DCDC1: variants seen among roughly 807,000 people sequenced by gnomAD.
DCDC1 encodes doublecortin domain-containing protein 1.
Under a neutral mutation model 178.3 loss-of-function variants are expected in DCDC1, and 200 were observed. The observed-to-expected ratio is 1.12, with a 90% CI of 1.00 to 1.26. The LOEUF (loss-of-function observed/expected upper bound fraction) is 1.26. DCDC1 is among the 50% of genes most tolerant of loss of function. The pLI is 0.00. For missense variants in DCDC1, 1,983 were observed against 1,749.2 expected (o/e 1.13, Z -2.38); for synonymous variants, 690 against 604.8 (o/e 1.14, Z -2.07).
intron 20 of DCDC1, among the ~76,000 whole-genome samples, chr11:30,981,253 G>C (rs1378678843): frequency 2.0e-5 from 3 of 152,088 alleles, no homozygotes; most frequent in Non-Finnish European, 4.4e-5. Flanking sequence ...TTCACCATTT[G>C]AGTGATGGGC....
chr11:31,307,078 A>C (rs892419097), intron 4 of DCDC1, among the ~76,000 whole-genome samples: 5 of 152,222 alleles, frequency 3.3e-5, no homozygotes, highest in African/African-American at 1.2e-4. Flanking sequence ...CCACAGAAGA[A>C]GAGTAAATAT....
chr11:31,231,191 G>A (rs999460553), intron 9 of DCDC1, among the ~76,000 whole-genome samples: 5 of 151,936 alleles, frequency 3.3e-5, no homozygotes, highest in Admixed American at 2.6e-4. Context: ...CCGAAATCCT[G>A]GGCTTAAGCA....
At chr11:31,316,013 C>G (rs1490629468) in intron 3 of DCDC1, among the ~76,000 whole-genome samples, 3 of 90,442 alleles carry the variant, frequency 3.3e-5, no homozygotes. Flanking sequence ...GCATAGTATT[C>G]CACGGTGTAT....
intron 9 of DCDC1, among the ~76,000 whole-genome samples, chr11:31,232,719 G>A (rs551719339): frequency 6.6e-6 from 1 of 152,080 alleles, no homozygotes; most frequent in Non-Finnish European, 1.5e-5. Flanking sequence ...TGCCATTGGT[G>A]TTAATTACTT....
intron 2 of DCDC1, among the ~76,000 whole-genome samples, chr11:31,329,154 C>T (rs1949818450): frequency 6.6e-6 from 1 of 151,886 alleles, no homozygotes; most frequent in South Asian, 2.1e-4. Context: ...AGAAAGCAAG[C>T]AGGGCTCTAT....
At chr11:31,365,339 G>A (rs981302535) in intron 1 of DCDC1, among the ~76,000 whole-genome samples, 7 of 151,986 alleles carry the variant, frequency 4.6e-5, no homozygotes, top group African/African-American at 9.7e-5. Context: ...TTCAATTTTG[G>A]AACATAACCA....
intron 8 of DCDC1, among the ~76,000 whole-genome samples, chr11:31,244,062 C>T (rs1268025639): frequency 3.3e-5 from 5 of 151,572 alleles, no homozygotes; most frequent in Non-Finnish European, 1.5e-5. Context: ...TAGGAAGGTA[C>T]AGAAAACATA....
At chr11:31,272,257 A>G (rs536572821) in intron 7 of DCDC1, among the ~76,000 whole-genome samples, 1 of 152,114 alleles carries the variant, frequency 6.6e-6, no homozygotes, top group East Asian at 1.9e-4. Context: ...ATTACCTCCC[A>G]TCAGGTCCCT....
At chr11:31,005,513 T>C (rs751198957) in intron 20 of DCDC1, among the ~76,000 whole-genome samples, 3 of 152,204 alleles carry the variant, frequency 2.0e-5, no homozygotes, top group Non-Finnish European at 2.9e-5. Context: ...TTCCATTCAT[T>C]TCAATTCAAC....
intron 9 of DCDC1, among the ~76,000 whole-genome samples, chr11:31,151,593 C>T (rs1965174560): frequency 6.6e-6 from 1 of 152,098 alleles, no homozygotes; most frequent in African/African-American, 2.4e-5. Context: ...TAATACAATA[C>T]AACAATTAAT....
intron 20 of DCDC1, among the ~76,000 whole-genome samples, chr11:31,026,440 T>G (rs1021303059): frequency 1.3e-5 from 2 of 151,848 alleles, no homozygotes; most frequent in Non-Finnish European, 3.0e-5. Context: ...TTTTCAAGTT[T>G]ATGTGACTAT....
intron 8 of DCDC1, among the ~76,000 whole-genome samples, chr11:31,249,479 T>C (rs983896541): frequency 5.3e-5 from 8 of 152,158 alleles, no homozygotes; most frequent in African/African-American, 1.9e-4. Context: ...GTTTTTGACA[T>C]AAGCAACAAG....
chr11:31,358,043 CA>C (rs1197261071), intron 1 of DCDC1, among the ~76,000 whole-genome samples: 1 of 151,864 alleles, frequency 6.6e-6, no homozygotes, highest in African/African-American at 2.4e-5. Flanking sequence ...ATGCCATCCC[CA>C]TCAAGCTACC....
intron 20 of DCDC1, among the ~76,000 whole-genome samples, chr11:30,989,513 C>G (rs982250301): frequency 6.6e-6 from 1 of 152,120 alleles, no homozygotes; most frequent in African/African-American, 2.4e-5. Context: ...TATCCTCACT[C>G]TCTAACACAC....
chr11:31,035,208 A>G (rs889920489), intron 20 of DCDC1, among the ~76,000 whole-genome samples: 1 of 152,196 alleles, frequency 6.6e-6, no homozygotes, highest in Non-Finnish European at 1.5e-5. Context: ...CAGTTTCTCT[A>G]TTAACATCTT....
chr11:30,912,702 AC>A (rs1274974686), intron 27 of DCDC1, among the ~76,000 whole-genome samples: 1 of 152,114 alleles, frequency 6.6e-6, no homozygotes, highest in African/African-American at 2.4e-5. Flanking sequence ...ATGGAACCAT[AC>A]CTTTTTTAAT....
intron 8 of DCDC1, among the ~76,000 whole-genome samples, chr11:31,264,963 T>G (rs1453549320): frequency 1.3e-5 from 2 of 152,138 alleles, no homozygotes; most frequent in Non-Finnish European, 2.9e-5. Flanking sequence ...ATGCTACAAA[T>G]CAGGGACTTT....
intron 9 of DCDC1, among the ~76,000 whole-genome samples, chr11:31,141,705 A>G (rs2136029156): frequency 6.6e-6 from 1 of 152,334 alleles, no homozygotes; most frequent in East Asian, 1.9e-4. Context: ...CTAATATACA[A>G]AAGACTGGGA....
chr11:30,973,073 A>T (rs1949901181), intron 20 of DCDC1, among the ~76,000 whole-genome samples: 1 of 151,848 alleles, frequency 6.6e-6, no homozygotes, highest in South Asian at 2.1e-4. Flanking sequence ...GGAGTTCGAG[A>T]CCAGCCTGGG....
Sources: gnomAD v4.1 joint callset for allele counts (sites outside exome capture counted in the v4.1 genomes callset) on GRCh38, gnomAD v4.1.1 for gene constraint, MANE v1.5 for transcripts, NCBI Gene and HGNC (gene_info 2026-07-23, HGNC 2026-07-21) for gene names.